AGAP1: variants seen among roughly 807,000 people sequenced by gnomAD.
The protein encoded by AGAP1 is arf-GAP with GTPase, ANK repeat and PH domain-containing protein 1.
Under a neutral mutation model 105.3 loss-of-function variants are expected in AGAP1, and 29 were observed. The ratio of observed to expected loss-of-function variants is 0.28; its 90% CI spans 0.21 to 0.38. The LOEUF (loss-of-function observed/expected upper bound fraction) is 0.38, where lower values mean the gene tolerates loss of function less well. Ranked by LOEUF, AGAP1 falls within the 10% of genes least tolerant of loss-of-function variation. The pLI is 1.00. For synonymous variants in AGAP1, 509 were observed against 485.9 expected (o/e 1.05, Z -0.63); for missense variants, 998 against 1,165.1 (o/e 0.86, Z 2.09).
Position 236,113,963 on chromosome 2 carries a change from T to C in AGAP1, c.2115-6229T>C, listed in dbSNP as rs1045114004. 6.6e-5 allele frequency among the ~76,000 whole-genome samples: 10 copies of C among 152,130 alleles called. No homozygotes were observed. The highest frequency in any genetic ancestry group is 1.5e-4 in the Non-Finnish European group (10 of 68,042). ...GTACCTTTTCTTTTTATTTTGGGGATTGGGTCAGTGCCTTTCTTCTGATGA... is the reference window on the plus strand; with the variant it reads ...GTACCTTTTCTTTTTATTTTGGGGACTGGGTCAGTGCCTTTCTTCTGATGA... On this transcript the variant is annotated intron_variant, in intron 16 of 17. Coordinates refer to ENST00000304032, the MANE Select transcript of AGAP1 (RefSeq NM_001037131.3). This position sits in a 1 kb window ranked among gnomAD's most constrained non-coding sequence, Gnocchi z 4.3.
In AGAP1 at chr2:235,753,039, A is replaced by T. The variant is rs1311533945; in HGVS notation, c.673+2551A>T. Among the ~76,000 whole-genome samples, 2 of 152,272 alleles carry T rather than the reference A, an allele frequency of 1.3e-5. No individual in the cohort carries two copies. Among genetic ancestry groups the T allele is most frequent in the East Asian group, 3.9e-4 (2 of 5,154 alleles). ...CCCTTCCCATAAAGGCACTTAACCC[A>T]TCACAGGGTTCCACCCTTGTGATCA... On this transcript the variant is annotated intron_variant, in intron 6 of 17. Transcript: ENST00000304032. The surrounding 1 kb of genome is among the most constrained non-coding windows in gnomAD (Gnocchi z 4.5).
chr2:235,774,409 T>C (rs1482489764), intron 6 of AGAP1: 1 of 470,192 alleles, frequency 2.1e-6, no homozygotes, highest in African/African-American at 2.0e-5. Context: ...TCGGGTTGAG[T>C]ACTTCCCTTC....
At chr2:235,920,338 A>AC (rs984015520) in intron 11 of AGAP1, among the ~76,000 whole-genome samples, 76 of 152,290 alleles carry the variant, frequency 5.0e-4, no homozygotes, top group African/African-American at 1.7e-3. Flanking sequence ...TGGAGCAGTA[A>AC]CCCAGGGATG....
At position 235,747,390 on chromosome 2, in the gene AGAP1, C is replaced by A. The variant is rs964861878; in HGVS notation, c.538+2551C>A. On this transcript the variant is annotated intron_variant, in intron 5 of 17. Coordinates refer to ENST00000304032, the MANE Select transcript of AGAP1 (RefSeq NM_001037131.3). This position sits in a 1 kb window ranked among gnomAD's most constrained non-coding sequence, Gnocchi z 5.0. ...CAGGAAGGCCCCAGGGGAGTGTGTGCGTGTGCGAGGGTGGCCTCTGGGGTT... is the reference window on the plus strand; with the variant it reads ...CAGGAAGGCCCCAGGGGAGTGTGTGAGTGTGCGAGGGTGGCCTCTGGGGTT... Among the ~76,000 whole-genome samples, 7 of 152,140 alleles carry A rather than the reference C, an allele frequency of 4.6e-5. No individual in the cohort carries two copies. The highest frequency in any genetic ancestry group is 3.9e-4 in the Admixed American group (6 of 15,274).
Position 235,660,159 on chromosome 2 carries a change from G to A in AGAP1, c.164-49020G>A, listed in dbSNP as rs1247809005. Among the ~76,000 whole-genome samples, 2 of 152,140 alleles carry A rather than the reference G, an allele frequency of 1.3e-5. No homozygotes were observed. Among genetic ancestry groups the A allele is most frequent in the South Asian group, 2.1e-4 (1 of 4,822 alleles). ...GAGGGACAGGCTTTCTCAGGGGGGC[G>A]GCCACCCAAGATCAGCTGCGGCTGA... On this transcript the variant is annotated intron_variant, in intron 1 of 17. Transcript: ENST00000304032. The surrounding 1 kb of genome is among the most constrained non-coding windows in gnomAD (Gnocchi z 5.3).
At chr2:235,499,965 G>A (rs757275283) in intron 1 of AGAP1, among the ~76,000 whole-genome samples, 1 of 152,206 alleles carries the variant, frequency 6.6e-6, no homozygotes, top group Non-Finnish European at 1.5e-5. Flanking sequence ...TTTATACGCT[G>A]CAGAAGTGAG....
At chr2:235,507,884 G>A (rs765801467) in intron 1 of AGAP1, among the ~76,000 whole-genome samples, 44 of 152,124 alleles carry the variant, frequency 2.9e-4, no homozygotes, top group Non-Finnish European at 5.1e-4. Context: ...TGGTGGTCTG[G>A]TGTACAGATT....
At chr2:235,803,192 T>TGTG (rs1225715137) in intron 8 of AGAP1, among the ~76,000 whole-genome samples, 1 of 138,284 alleles carries the variant, frequency 7.2e-6, no homozygotes, top group Non-Finnish European at 1.7e-5. Flanking sequence ...TGATGATGGT[T>TGTG]GTGGTGGTAG....
chr2:236,072,420 G>C (rs376596716), intron 16 of AGAP1: 8 of 152,012 alleles, frequency 5.3e-5, no homozygotes, highest in African/African-American at 1.9e-4. Flanking sequence ...ACTCCAGCCC[G>C]GCGACAGAGC....
chr2:235,495,188 C>T (rs1941262203), intron 1 of AGAP1, among the ~76,000 whole-genome samples: 1 of 152,280 alleles, frequency 6.6e-6, no homozygotes, highest in African/African-American at 2.4e-5. Context: ...GGGGTCGGCG[C>T]CACCCGACCC....
In AGAP1 at chr2:235,740,871, G is replaced by A. The variant is rs1276104943; in HGVS notation, c.311-92G>A. 4.7e-6 allele frequency: 7 copies of A among 1,497,066 alleles called. No individual in the cohort carries two copies. The highest frequency in any genetic ancestry group is 6.5e-6 in the Non-Finnish European group (7 of 1,080,122). 92.7% of individuals were successfully genotyped at this position (1,497,066 alleles called of 1,614,324 possible). A position where few individuals can be genotyped will look rare whatever the true frequency, so the allele number is the denominator to read the frequency against. Reference sequence around the variant, plus strand: ...CAGTTGCCTCCAGGGCGACAGCCTAGGGTGTATTTTTCCACAAGCGAAGCC... The same window carrying A: ...CAGTTGCCTCCAGGGCGACAGCCTAAGGTGTATTTTTCCACAAGCGAAGCC... On this transcript the variant is annotated intron_variant, in intron 3 of 17. Coordinates refer to ENST00000304032, the MANE Select transcript of AGAP1 (RefSeq NM_001037131.3). This position sits in a 1 kb window ranked among gnomAD's most constrained non-coding sequence, Gnocchi z 5.7.
chr2:235,704,983 T>C (rs1159274120), intron 1 of AGAP1, among the ~76,000 whole-genome samples: 3 of 134,086 alleles, frequency 2.2e-5, no homozygotes, highest in East Asian at 2.2e-4. Context: ...TTTTTTTTTT[T>C]TTTTTTTTTT....
In AGAP1 at chr2:235,959,342, G is replaced by A. The variant is rs2054084080; in HGVS notation, c.1484-9120G>A. On this transcript the variant is annotated intron_variant, in intron 12 of 17. Coordinates refer to ENST00000304032, the MANE Select transcript of AGAP1 (RefSeq NM_001037131.3). The surrounding 1 kb of genome is among the most constrained non-coding windows in gnomAD (Gnocchi z 7.3). ...AGGAATACCTTGTCAGGCGAGGGGA[G>A]TAGTTGGAATGGAAAAGCACAGCGT... 6.6e-6 allele frequency among the ~76,000 whole-genome samples: 1 copy of A among 152,204 alleles called. No individual in the cohort carries two copies. The highest frequency in any genetic ancestry group is 2.4e-5 in the African/African-American group (1 of 41,452).
chr2:236,080,479 C>T lies in AGAP1; in HGVS notation c.2114+31198C>T, dbSNP rs900384225. On this transcript the variant is annotated intron_variant, in intron 16 of 17. Transcript: ENST00000304032. This position sits in a 1 kb window ranked among gnomAD's most constrained non-coding sequence, Gnocchi z 4.2. ...AGAGTTGTTACGGAGACTCTATGGCCAAGAGGGACAGATCACACTAGACAT... is the reference window on the plus strand; with the variant it reads ...AGAGTTGTTACGGAGACTCTATGGCTAAGAGGGACAGATCACACTAGACAT... 6.6e-6 allele frequency among the ~76,000 whole-genome samples: 1 copy of T among 152,180 alleles called. No individual in the cohort carries two copies. The highest frequency in any genetic ancestry group is 1.5e-5 in the Non-Finnish European group (1 of 68,030).
At chr2:235,774,313 C>T in intron 6 of AGAP1, 2 of 469,612 alleles carry the variant, frequency 4.3e-6, no homozygotes, top group Admixed American at 2.4e-5. Flanking sequence ...CTGTCGCCAG[C>T]CCAGGGCTGG....
intron 5 of AGAP1, among the ~76,000 whole-genome samples, chr2:235,748,765 G>A (rs1468234162): frequency 6.6e-6 from 1 of 152,190 alleles, no homozygotes; most frequent in African/African-American, 2.4e-5. Context: ...AAAATAAAAT[G>A]TCAAAGGTGG....
Position 235,875,717 on chromosome 2 carries a change from G to A in AGAP1, c.1051-7628G>A, listed in dbSNP as rs1218335908. Among the ~76,000 whole-genome samples, 14 of 152,234 alleles carry A rather than the reference G, an allele frequency of 9.2e-5. No homozygotes were observed. The East Asian group carries it at 1.9e-3, about 21-fold the overall frequency. On this transcript the variant is annotated intron_variant, in intron 9 of 17. Coordinates refer to ENST00000304032, the MANE Select transcript of AGAP1 (RefSeq NM_001037131.3). This position sits in a 1 kb window ranked among gnomAD's most constrained non-coding sequence, Gnocchi z 4.0. Reference sequence around the variant, plus strand: ...ATGACACCAACACATGGAGCCACTTGGAGACTTGTGTGTTAGTTGTGCACA... The same window carrying A: ...ATGACACCAACACATGGAGCCACTTAGAGACTTGTGTGTTAGTTGTGCACA...
In AGAP1 at chr2:235,877,650, G is replaced by A. The variant is rs563783430; in HGVS notation, c.1051-5695G>A. On this transcript the variant is annotated intron_variant, in intron 9 of 17. Coordinates refer to ENST00000304032, the MANE Select transcript of AGAP1 (RefSeq NM_001037131.3). This position sits in a 1 kb window ranked among gnomAD's most constrained non-coding sequence, Gnocchi z 4.3. ...AACTCGGGCAGTGGAATCCAGTGGTGGTTTTGGATCACTTTTTAGATAGTG... is the reference window on the plus strand; with the variant it reads ...AACTCGGGCAGTGGAATCCAGTGGTAGTTTTGGATCACTTTTTAGATAGTG... Among the ~76,000 whole-genome samples, 3 of 152,156 alleles carry A rather than the reference G, an allele frequency of 2.0e-5. No individual in the cohort carries two copies. The highest frequency in any genetic ancestry group is 4.8e-5 in the African/African-American group (2 of 41,414).
chr2:235,564,864 C>G (rs13026137), intron 1 of AGAP1, among the ~76,000 whole-genome samples: 37 of 138,576 alleles, frequency 2.7e-4, no homozygotes, highest in Admixed American at 6.5e-4. Flanking sequence ...GCCTGGACCA[C>G]CACCCAGGGC....
Sources: gnomAD v4.1 joint callset for allele counts (sites outside exome capture counted in the v4.1 genomes callset) on GRCh38, gnomAD v4.1.1 for gene constraint, Gnocchi (gnomAD v3.1) non-coding constraint, MANE v1.5 for transcripts, NCBI Gene and HGNC (gene_info 2026-07-23, HGNC 2026-07-21) for gene names.